CACNG4: variants seen among roughly 807,000 people sequenced by gnomAD.
CACNG4 encodes voltage-dependent calcium channel gamma-4 subunit.
In CACNG4, 8 loss-of-function variants were observed where a neutral mutation model predicts 22.9. The observed-to-expected ratio is 0.35, with a 90% CI of 0.21 to 0.63. The LOEUF is 0.63. CACNG4 is among the 30% of genes least tolerant of loss of function. The pLI is 0.72. For missense variants in CACNG4, 357 were observed against 455.4 expected, an observed-to-expected ratio of 0.78 and a Z score of 1.97; for synonymous variants, 188 against 191.9, an observed-to-expected ratio of 0.98 and a Z score of 0.17.
intron 1 of CACNG4, among the ~76,000 whole-genome samples, chr17:67,000,724 G>A (rs186717119): frequency 1.4e-4 from 21 of 152,246 alleles, no homozygotes; most frequent in South Asian, 6.2e-4. Flanking sequence ...GACTGCTTTC[G>A]GGACGGGGGG....
rs1284580109 is a variant in CACNG4 at position 67,018,866 on chromosome 17, C to T, written c.304+594C>T. 2.6e-5 allele frequency among the ~76,000 whole-genome samples: 4 copies of T among 152,138 alleles called. No individual in the cohort carries two copies. In the South Asian group the frequency reaches 8.3e-4, roughly 31 times the overall value. ...CCGCCTCTGCCCATGGGAGCCCCCA[C>T]CTGCTCCTGGGTCCAGTGACTGCAT... On this transcript the variant is annotated intron_variant, in intron 2 of 3. Transcript: ENST00000262138.
At chr17:66,986,063 C>T (rs1003925649) in intron 1 of CACNG4, among the ~76,000 whole-genome samples, 7 of 152,338 alleles carry the variant, frequency 4.6e-5, no homozygotes, top group South Asian at 2.1e-4. Context: ...CAGGGGCCCC[C>T]GGCCCTGAGC....
At chr17:67,003,925 A>T (rs1567755636) in intron 1 of CACNG4, among the ~76,000 whole-genome samples, 1 of 152,198 alleles carries the variant, frequency 6.6e-6, no homozygotes, top group Non-Finnish European at 1.5e-5. Flanking sequence ...GGTGAAGTGG[A>T]TGATCCCAAG....
chr17:66,984,005 G>A lies in CACNG4; in HGVS notation c.220+18874G>A, dbSNP rs1411167025. On this transcript the variant is annotated intron_variant, in intron 1 of 3. Transcript: ENST00000262138. This position sits in a 1 kb window ranked among gnomAD's most constrained non-coding sequence, Gnocchi z 4.0. ...AACAATGTTCTATATTTTGATCAGG[G>A]TGCTGGTTATACGGGTGTAGACACA... Among the ~76,000 whole-genome samples the A allele has an allele frequency of 6.6e-6, 1 of 152,180 alleles. No homozygotes were observed. Among genetic ancestry groups the A allele is most frequent in the African/African-American group, 2.4e-5 (1 of 41,438 alleles).
At chr17:66,995,328 T>A (rs1256009753) in intron 1 of CACNG4, among the ~76,000 whole-genome samples, 1 of 152,138 alleles carries the variant, frequency 6.6e-6, no homozygotes, top group African/African-American at 2.4e-5. Context: ...AATGGCTTAA[T>A]GAATAATGAA....
In CACNG4 at chr17:67,031,205, G is replaced by T. The variant is rs950506915; in HGVS notation, c.*201G>T. Reference sequence around the variant, plus strand: ...CCCGGGGCTGCAGAAGAAGCTGAAGGCTGACTTTGTCCCCTCCCCGAAAAA... The same window carrying T: ...CCCGGGGCTGCAGAAGAAGCTGAAGTCTGACTTTGTCCCCTCCCCGAAAAA... On this transcript the variant is annotated 3_prime_UTR_variant, in exon 4 of 4. Coordinates refer to ENST00000262138, the MANE Select transcript of CACNG4 (RefSeq NM_014405.4). The surrounding 1 kb of genome is among the most constrained non-coding windows in gnomAD (Gnocchi z 4.0). 18 of 648,992 alleles carry T rather than the reference G, an allele frequency of 2.8e-5. No individual in the cohort carries two copies. Among genetic ancestry groups the T allele is most frequent in the Middle Eastern group, 4.1e-4 (1 of 2,434 alleles). The allele number at this position is 648,992 out of a possible 1,614,324, so 40.2% of individuals were successfully genotyped here.
intron 1 of CACNG4, among the ~76,000 whole-genome samples, chr17:67,004,634 T>C (rs997912390): frequency 5.9e-5 from 9 of 152,130 alleles, no homozygotes; most frequent in African/African-American, 2.2e-4. Context: ...GGTTGGAATC[T>C]CCCTCCCCCA....
intron 1 of CACNG4, among the ~76,000 whole-genome samples, chr17:66,965,339 A>G (rs1053287508): frequency 6.7e-6 from 1 of 149,680 alleles, no homozygotes; most frequent in East Asian, 2.0e-4. Context: ...CCAGCTGTAC[A>G]TCAGCTCTGG....
At chr17:66,982,508 GT>G (rs34429901) in intron 1 of CACNG4, among the ~76,000 whole-genome samples, 50,489 of 151,972 alleles carry the variant, frequency 0.33, 9,316 homozygotes, top group Non-Finnish European at 0.42. Flanking sequence ...TGATTGGCGT[GT>G]TTTACAATCG....
At chr17:66,976,039 C>T (rs951827661) in intron 1 of CACNG4, among the ~76,000 whole-genome samples, 4 of 152,188 alleles carry the variant, frequency 2.6e-5, no homozygotes, top group Admixed American at 6.5e-5. Flanking sequence ...AGACAGCGCT[C>T]GTGGGGGTTG....
At chr17:66,976,788 A>G (rs992345341) in intron 1 of CACNG4, among the ~76,000 whole-genome samples, 2 of 152,118 alleles carry the variant, frequency 1.3e-5, no homozygotes, top group Non-Finnish European at 2.9e-5. Context: ...TTTCTTGGAA[A>G]CACTGTTGGC....
intron 1 of CACNG4, among the ~76,000 whole-genome samples, chr17:66,970,417 G>A (rs1473213750): frequency 6.6e-6 from 1 of 152,136 alleles, no homozygotes; most frequent in East Asian, 1.9e-4. Flanking sequence ...TTAAGGTGTC[G>A]CTGGACTCAG....
chr17:67,021,214 A>G (rs1021595266), intron 2 of CACNG4, among the ~76,000 whole-genome samples: 8 of 151,910 alleles, frequency 5.3e-5, no homozygotes, highest in Admixed American at 2.0e-4. Context: ...AAAAAAAAAA[A>G]AGTTATTGTG....
rs552866715 is a variant in CACNG4 at position 67,014,892 on chromosome 17, G to A, written c.221-3297G>A. On this transcript the variant is annotated intron_variant, in intron 1 of 3. Transcript: ENST00000262138. ...GCAGAGGTTGCAGTGAGCCGAGATC[G>A]CACCACTGCACTCCAGCCTGGGCGA... 4.1e-4 allele frequency among the ~76,000 whole-genome samples: 61 copies of A among 148,752 alleles called. 1 individual carries two copies. Among genetic ancestry groups the A allele is most frequent in the Non-Finnish European group, 6.6e-4 (45 of 67,672 alleles).
At chr17:67,005,850 G>A (rs1567756009) in intron 1 of CACNG4, among the ~76,000 whole-genome samples, 1 of 152,214 alleles carries the variant, frequency 6.6e-6, no homozygotes, top group Admixed American at 6.5e-5. Context: ...CAGATGAGCC[G>A]ACAGAAGGAA....
chr17:67,000,683 C>T lies in CACNG4; in HGVS notation c.221-17506C>T, dbSNP rs182183971. Among the ~76,000 whole-genome samples the T allele has an allele frequency of 3.4e-3, 516 of 152,278 alleles. 3 individuals are homozygous for T. Among genetic ancestry groups the T allele is most frequent in the Non-Finnish European group, 4.5e-3 (306 of 68,018 alleles). ...GAGTGAAGTAGTGCAGGGAAGGCCACTTTGGGAGGGTGCTAGTGTCCCTAA... is the reference window on the plus strand; with the variant it reads ...GAGTGAAGTAGTGCAGGGAAGGCCATTTTGGGAGGGTGCTAGTGTCCCTAA... On this transcript the variant is annotated intron_variant, in intron 1 of 3. Transcript: ENST00000262138.
At chr17:66,991,017 A>C (rs1460665213) in intron 1 of CACNG4, among the ~76,000 whole-genome samples, 2 of 152,276 alleles carry the variant, frequency 1.3e-5, no homozygotes, top group East Asian at 3.9e-4. Flanking sequence ...CATTAATACC[A>C]GACTCAAAGG....
At chr17:66,993,527 G>C (rs2035354637) in intron 1 of CACNG4, among the ~76,000 whole-genome samples, 1 of 152,222 alleles carries the variant, frequency 6.6e-6, no homozygotes. Context: ...CAGGTCACCA[G>C]GGCACTCCCA....
chr17:67,026,204 C>G (rs1314994944), intron 3 of CACNG4, among the ~76,000 whole-genome samples: 1 of 134,434 alleles, frequency 7.4e-6, no homozygotes, highest in African/African-American at 2.9e-5. Flanking sequence ...TGTTTGAGGA[C>G]TGTGGTGTGT....
Sources: allele counts gnomAD v4.1 joint callset (sites outside exome capture counted in the v4.1 genomes callset), GRCh38; gene constraint gnomAD v4.1.1; non-coding constraint Gnocchi (gnomAD v3.1); transcripts MANE v1.5; gene names NCBI Gene and HGNC (gene_info 2026-07-23, HGNC 2026-07-21).